The following RPH3A variants were observed in gnomAD, a reference collection of about 807,000 sequenced individuals.
RPH3A encodes rabphilin-3A.
Under a neutral mutation model 102.2 loss-of-function variants are expected in RPH3A, and 48 were observed. The ratio of observed to expected loss-of-function variants is 0.47; its 90% CI spans 0.37 to 0.60. The LOEUF is 0.60. Among genes scored for constraint, RPH3A ranks in the 20% least tolerant of loss-of-function variants. The pLI, the probability that RPH3A is intolerant of heterozygous loss-of-function variation, is 0.00. For synonymous variants in RPH3A, 310 were observed against 324.3 expected (o/e 0.96, Z 0.47); for missense variants, 781 against 910.1 (o/e 0.86, Z 1.83).
chr12:112,827,452 T>C (rs1313134635), intron 2 of RPH3A, among the ~76,000 whole-genome samples: 2 of 152,172 alleles, frequency 1.3e-5, no homozygotes, highest in African/African-American at 2.4e-5. Context: ...TTCTCATCAG[T>C]TGGTGAATAC....
chr12:112,607,000 AC>A (rs911399210), intron 1 of RPH3A, among the ~76,000 whole-genome samples: 2 of 152,170 alleles, frequency 1.3e-5, no homozygotes, highest in African/African-American at 4.8e-5. Flanking sequence ...TGGGGATAAA[AC>A]AGTACCTACT....
chr12:112,746,874 G>A (rs1458133332), intron 1 of RPH3A, among the ~76,000 whole-genome samples: 1 of 151,942 alleles, frequency 6.6e-6, no homozygotes, highest in Admixed American at 6.6e-5. Flanking sequence ...CCAGCCTCCC[G>A]TTCTGTGTCC....
intron 5 of RPH3A, among the ~76,000 whole-genome samples, chr12:112,852,092 G>A (rs1026122723): frequency 6.6e-6 from 1 of 152,172 alleles, no homozygotes; most frequent in African/African-American, 2.4e-5. Flanking sequence ...GCTGCATTCA[G>A]TCAGTGGTTG....
chr12:112,670,012 A>G (rs1355429678), intron 1 of RPH3A, among the ~76,000 whole-genome samples: 1 of 152,188 alleles, frequency 6.6e-6, no homozygotes, highest in Non-Finnish European at 1.5e-5. Context: ...TGTTTGATAT[A>G]TATTTTTCAG....
chr12:112,783,619 C>G (rs1432398443), intron 1 of RPH3A, among the ~76,000 whole-genome samples: 2 of 152,116 alleles, frequency 1.3e-5, no homozygotes, highest in Non-Finnish European at 2.9e-5. Flanking sequence ...CTACTATGTG[C>G]CAAGCCCTTT....
intron 1 of RPH3A, among the ~76,000 whole-genome samples, chr12:112,667,720 G>T (rs970923848): frequency 8.6e-6 from 1 of 116,096 alleles, no homozygotes; most frequent in Non-Finnish European, 1.7e-5. Context: ...GAGAGAGAGA[G>T]AAATTACTGG....
At position 112,763,918 on chromosome 12, in the gene RPH3A, C is replaced by T. The variant is rs1328422046; in HGVS notation, c.-139-28225C>T. On this transcript the variant is annotated intron_variant, in intron 1 of 21. Transcript: ENST00000543106. ...GTGTGTGGTGGTCTGGGGCTGTGTT[C>T]CCTCAGGTCCACTGCTGTCCGTCCC... 3.3e-5 allele frequency among the ~76,000 whole-genome samples: 5 copies of T among 152,130 alleles called. No homozygotes were observed. In the South Asian group the frequency reaches 6.2e-4, roughly 19 times the overall value.
At chr12:112,766,344 C>G (rs933055961) in intron 1 of RPH3A, among the ~76,000 whole-genome samples, 5 of 152,220 alleles carry the variant, frequency 3.3e-5, no homozygotes, top group Non-Finnish European at 7.3e-5. Flanking sequence ...GTGCTTATAA[C>G]TGCCTGGTAC....
intron 4 of RPH3A, among the ~76,000 whole-genome samples, chr12:112,842,663 C>T (rs547849886): frequency 3.9e-5 from 6 of 152,322 alleles, no homozygotes; most frequent in South Asian, 4.1e-4. Flanking sequence ...TGCCGGTACT[C>T]GCCTGGAGAG....
intron 1 of RPH3A, among the ~76,000 whole-genome samples, chr12:112,611,633 G>T (rs377204021): frequency 6.6e-6 from 1 of 151,976 alleles, no homozygotes. Context: ...GAGATTGGGA[G>T]GGGGGGTTCA....
intron 1 of RPH3A, among the ~76,000 whole-genome samples, chr12:112,645,735 T>C (rs2039924733): frequency 1.3e-5 from 2 of 152,198 alleles, no homozygotes; most frequent in Non-Finnish European, 2.9e-5. Context: ...GTTCAAAGAT[T>C]GCAATCGCTT....
At chr12:112,584,291 C>G (rs1216471275) in intron 1 of RPH3A, among the ~76,000 whole-genome samples, 3 of 152,108 alleles carry the variant, frequency 2.0e-5, no homozygotes, top group Non-Finnish European at 4.4e-5. Context: ...CACAGGGAAC[C>G]CAAGAGCAGG....
At chr12:112,707,451 T>C (rs2040433724) in intron 1 of RPH3A, among the ~76,000 whole-genome samples, 1 of 152,196 alleles carries the variant, frequency 6.6e-6, no homozygotes, top group African/African-American at 2.4e-5. Flanking sequence ...CCTAGGAAGA[T>C]TGCCTCACTT....
At chr12:112,698,973 T>C (rs776605398) in intron 1 of RPH3A, among the ~76,000 whole-genome samples, 1 of 147,106 alleles carries the variant, frequency 6.8e-6, no homozygotes, top group Non-Finnish European at 1.5e-5. Context: ...TTGCCCAGGA[T>C]GCAGTGCTGT....
chr12:112,840,761 G>T (rs556609844), intron 4 of RPH3A, among the ~76,000 whole-genome samples: 1 of 152,176 alleles, frequency 6.6e-6, no homozygotes, highest in South Asian at 2.1e-4. Context: ...AATAATAATA[G>T]GTGTATTTCG....
rs1207684191 is a variant in RPH3A at position 112,694,646 on chromosome 12, ACACG to A, written c.-139-97493_-139-97490del. Among the ~76,000 whole-genome samples, 966 of 110,724 alleles carry A rather than the reference ACACG, an allele frequency of 8.7e-3. 3 individuals are homozygous for A. The highest frequency in any genetic ancestry group is 0.031 in the African/African-American group (858 of 28,082). The allele number at this position is 110,724 out of a possible 152,430, so 72.6% of individuals were successfully genotyped here. A position where few individuals can be genotyped will look rare whatever the true frequency, so the allele number is the denominator to read the frequency against. On this transcript the variant is annotated intron_variant, in intron 1 of 21. Transcript: ENST00000543106. ...AAGACACACGCACGCGCGCGCGCGC[ACACG>A]CACACACACACACACACACACACAC...
chr12:112,683,241 C>T (rs1004768511), intron 1 of RPH3A, among the ~76,000 whole-genome samples: 7 of 152,036 alleles, frequency 4.6e-5, no homozygotes, highest in African/African-American at 9.7e-5. Context: ...CATTAAGAAA[C>T]GTTTTGTAGC....
chr12:112,581,694 G>A lies in RPH3A; in HGVS notation c.-140+6375G>A, dbSNP rs186979061. Among the ~76,000 whole-genome samples the A allele has an allele frequency of 3.3e-5, 5 of 149,612 alleles. 1 individual carries two copies. Among genetic ancestry groups the A allele is most frequent in the East Asian group, 3.9e-4 (2 of 5,140 alleles). ...GGATTACAGGTGTCAGCCTGGCCAC[G>A]AACAACATTTTTAATGTGTATGTAA... On this transcript the variant is annotated intron_variant, in intron 1 of 21. Coordinates refer to the RPH3A transcript ENST00000543106.
chr12:112,702,240 G>A (rs1478519878), intron 1 of RPH3A, among the ~76,000 whole-genome samples: 2 of 152,148 alleles, frequency 1.3e-5, no homozygotes, highest in African/African-American at 4.8e-5. Context: ...TAACATCATC[G>A]CCTCTTCCCA....
Sources: gnomAD v4.1 joint callset for allele counts (sites outside exome capture counted in the v4.1 genomes callset) on GRCh38, gnomAD v4.1.1 for gene constraint, MANE v1.5 for transcripts, NCBI Gene and HGNC (gene_info 2026-07-23, HGNC 2026-07-21) for gene names.